Variants in THAP12 observed in about 807,000 individuals in gnomAD.
The protein encoded by THAP12 is THAP domain containing 12, also known as 52 kDa repressor of the inhibitor of the protein kinase.
In THAP12, 20 loss-of-function variants were observed where a neutral mutation model predicts 63.0. The observed-to-expected ratio is 0.32, with a 90% CI of 0.22 to 0.46. The LOEUF is 0.46. THAP12 is among the 20% of genes least tolerant of loss of function. The probability of loss-of-function intolerance (pLI) is 1.00; values close to 1 mark genes in which losing one functional copy is unlikely to be tolerated. For synonymous variants in THAP12, 264 were observed against 328.4 expected, an observed-to-expected ratio of 0.80 and a Z score of 2.12; for missense variants, 568 against 908.2, an observed-to-expected ratio of 0.63 and a Z score of 4.81.
Position 76,380,828 on chromosome 11 carries a change from G to A in THAP12, c.9C>T (p.Asn3=). Residue 3 remains asparagine, a synonymous_variant, in exon 1 of 5, where the codon AAC becomes AAT. Coordinates refer to ENST00000260045, the MANE Select transcript of THAP12 (RefSeq NM_004705.4). The part of the protein sequence containing the change: MP[N]FCAAPNCTRK... ...GCGTGCAGTTGGGGGCAGCGCAGAA[G>A]TTCGGCATCGTCGCCCGCCCGCCGG... 2.8e-6 allele frequency: 4 copies of A among 1,436,414 alleles called. No homozygotes were observed. The highest frequency in any genetic ancestry group is 3.7e-6 in the Non-Finnish European group (4 of 1,085,214). The allele number at this position is 1,436,414 out of a possible 1,614,324, so 89.0% of individuals were successfully genotyped here. A position where few individuals can be genotyped will look rare whatever the true frequency, so the allele number is the denominator to read the frequency against.
intron 4 of THAP12, among the ~76,000 whole-genome samples, chr11:76,353,366 A>G (rs1946540344): frequency 6.6e-6 from 1 of 152,200 alleles, no homozygotes; most frequent in Non-Finnish European, 1.5e-5. Flanking sequence ...CAAGGACACT[A>G]AGTAACTTGC....
chr11:76,365,875 C>G lies in THAP12; in HGVS notation c.187G>C (p.Glu63Gln), dbSNP rs754895822. 6.2e-7 allele frequency: 1 copy of G among 1,613,210 alleles called. No homozygotes were observed. Among genetic ancestry groups the G allele is most frequent in the South Asian group, 1.1e-5 (1 of 91,026 alleles). The change falls in exon 2 of 5, where the codon GAG (glutamate) becomes CAG (glutamine). Residue 63 changes from glutamate (E) to glutamine (Q), a missense_variant. Physicochemically the swap from Glu to Gln is conservative, Grantham distance 29. Coordinates refer to ENST00000260045, the MANE Select transcript of THAP12 (RefSeq NM_004705.4). ...ACAGTTCTACAGATCATAGAGGTCTCAAAATGTTTGGCACATAATCGATAA... is the reference window on the plus strand; with the variant it reads ...ACAGTTCTACAGATCATAGAGGTCTGAAAATGTTTGGCACATAATCGATAA... ...KHYRLCAKHF[E>Q]TSMICRTSPY...
At chr11:76,369,015 C>CA (rs1454236741) in intron 1 of THAP12, among the ~76,000 whole-genome samples, 1 of 152,098 alleles carries the variant, frequency 6.6e-6, no homozygotes, top group Non-Finnish European at 1.5e-5. Flanking sequence ...ACAATGGACT[C>CA]ACATTCAAAA....
intron 1 of THAP12, among the ~76,000 whole-genome samples, chr11:76,367,021 G>A (rs1457603595): frequency 6.6e-6 from 1 of 151,710 alleles, no homozygotes; most frequent in Non-Finnish European, 1.5e-5. Context: ...TGAAGGCACA[G>A]AAATATTAAG....
At chr11:76,364,593 C>T (rs1318875846) in intron 2 of THAP12, among the ~76,000 whole-genome samples, 1 of 152,164 alleles carries the variant, frequency 6.6e-6, no homozygotes. Flanking sequence ...TTATAAATCA[C>T]AGCAAGAGAA....
At chr11:76,361,637 G>A (rs999207120) in intron 2 of THAP12, among the ~76,000 whole-genome samples, 1 of 152,012 alleles carries the variant, frequency 6.6e-6, no homozygotes, top group Non-Finnish European at 1.5e-5. Context: ...TAAAATTCTG[G>A]TATTGAACTA....
intron 1 of THAP12, among the ~76,000 whole-genome samples, chr11:76,373,572 A>G (rs1406041657): frequency 1.3e-5 from 2 of 151,950 alleles, no homozygotes; most frequent in Non-Finnish European, 2.9e-5. Context: ...TTTTTCAAAA[A>G]TTAGCCGGGG....
chr11:76,363,659 G>T (rs1306961474), intron 2 of THAP12, among the ~76,000 whole-genome samples: 1 of 152,136 alleles, frequency 6.6e-6, no homozygotes, highest in African/African-American at 2.4e-5. Flanking sequence ...CACAATCTTG[G>T]CTCACTGCAA....
At chr11:76,380,454 GCGA>G (rs1946746512) in intron 1 of THAP12, among the ~76,000 whole-genome samples, 1 of 152,206 alleles carries the variant, frequency 6.6e-6, no homozygotes, top group Non-Finnish European at 1.5e-5. Context: ...GTGAGCCACG[GCGA>G]GAACCCACAG....
chr11:76,378,704 T>C (rs974322231), intron 1 of THAP12, among the ~76,000 whole-genome samples: 1 of 152,140 alleles, frequency 6.6e-6, no homozygotes, highest in African/African-American at 2.4e-5. Flanking sequence ...CTCTGCCTCC[T>C]GGGTTCAAGC....
At position 76,369,838 on chromosome 11, in the gene THAP12, G is replaced by A. The variant is rs957483055; in HGVS notation, c.90-3866C>T. ...TGGGTGACCCCCTCATGGGAAAGAC[G>A]GAGCATAGGGAAGCCTATACATGGA... On this transcript the variant is annotated intron_variant, in intron 1 of 4. Transcript: ENST00000260045. Among the ~76,000 whole-genome samples, 6 of 152,348 alleles carry A rather than the reference G, an allele frequency of 3.9e-5. No individual in the cohort carries two copies. The East Asian group carries it at 7.7e-4, about 20-fold the overall frequency.
chr11:76,370,720 G>A (rs992604941), intron 1 of THAP12, among the ~76,000 whole-genome samples: 3 of 151,182 alleles, frequency 2.0e-5, no homozygotes, highest in African/African-American at 7.3e-5. Flanking sequence ...TGACCGGGAG[G>A]CTGAGGTAGG....
At chr11:76,362,867 A>G (rs1946606698) in intron 2 of THAP12, among the ~76,000 whole-genome samples, 1 of 152,216 alleles carries the variant, frequency 6.6e-6, no homozygotes, top group Non-Finnish European at 1.5e-5. Context: ...TTTGGCCAGG[A>G]ATGTTGGCTC....
intron 3 of THAP12, chr11:76,356,146 A>C (rs2134500825): frequency 6.5e-6 from 1 of 153,260 alleles, no homozygotes; most frequent in East Asian, 1.9e-4. Flanking sequence ...CAGAGCATAC[A>C]CAGAGCATAG....
chr11:76,368,410 G>A (rs1023532688), intron 1 of THAP12, among the ~76,000 whole-genome samples: 2 of 152,148 alleles, frequency 1.3e-5, no homozygotes, highest in African/African-American at 4.8e-5. Flanking sequence ...CACAAGCCCA[G>A]TAAGTTTGTG....
chr11:76,375,724 C>G (rs1946704491), intron 1 of THAP12, among the ~76,000 whole-genome samples: 1 of 108,590 alleles, frequency 9.2e-6, no homozygotes, highest in African/African-American at 3.8e-5. Flanking sequence ...ACCTTCCCTA[C>G]AACCTGTTTA....
chr11:76,377,442 T>C (rs768514359), intron 1 of THAP12, among the ~76,000 whole-genome samples: 1 of 152,238 alleles, frequency 6.6e-6, no homozygotes, highest in Non-Finnish European at 1.5e-5. Context: ...ACCACTGATA[T>C]GCTTTCTATC....
intron 2 of THAP12, among the ~76,000 whole-genome samples, chr11:76,364,678 A>G (rs1288219768): frequency 6.6e-6 from 1 of 152,228 alleles, no homozygotes; most frequent in Non-Finnish European, 1.5e-5. Flanking sequence ...GGGCCCAAAG[A>G]GGGGAAGTGA....
intron 1 of THAP12, among the ~76,000 whole-genome samples, chr11:76,371,451 T>C (rs1005290613): frequency 7.9e-5 from 12 of 152,232 alleles, no homozygotes; most frequent in African/African-American, 2.9e-4. Context: ...TGGGTGTATG[T>C]GTATGAATAT....
Sources: allele counts gnomAD v4.1 joint callset (sites outside exome capture counted in the v4.1 genomes callset), GRCh38; gene constraint gnomAD v4.1.1; transcripts MANE v1.5; gene names NCBI Gene and HGNC (gene_info 2026-07-23, HGNC 2026-07-21).